Variants in CNKSR3 observed in about 807,000 individuals in gnomAD.
CNKSR3 encodes connector enhancer of kinase suppressor of ras 3.
A neutral mutation model predicts 67.7 loss-of-function variants in CNKSR3; 36 were observed. The ratio of observed to expected loss-of-function variants is 0.53; its 90% confidence interval spans 0.41 to 0.70. CNKSR3 has a LOEUF of 0.70. Among genes scored for constraint, CNKSR3 ranks in the 30% least tolerant of loss-of-function variants. The probability of loss-of-function intolerance (pLI) is 0.00; values close to 1 mark genes in which losing one functional copy is unlikely to be tolerated. For missense variants in CNKSR3, 630 were observed against 695.2 expected, an observed-to-expected ratio of 0.91 and a Z score of 1.05; for synonymous variants, 281 against 271.4, an observed-to-expected ratio of 1.04 and a Z score of -0.35.
chr6:154,424,354 G>C (rs1245887930), intron 7 of CNKSR3, among the ~76,000 whole-genome samples: 1 of 152,036 alleles, frequency 6.6e-6, no homozygotes, highest in African/African-American at 2.4e-5. Context: ...TTATGTTGAA[G>C]GTATCTCATA....
At chr6:154,416,585 A>T (rs1055065369) in intron 9 of CNKSR3, among the ~76,000 whole-genome samples, 2 of 152,180 alleles carry the variant, frequency 1.3e-5, no homozygotes, top group African/African-American at 4.8e-5. Context: ...CTCATTTCCC[A>T]GGAGTGTGGC....
At chr6:154,436,123 A>T (rs1785467774) in intron 4 of CNKSR3, among the ~76,000 whole-genome samples, 1 of 152,256 alleles carries the variant, frequency 6.6e-6, no homozygotes. Flanking sequence ...CACCTGAGAC[A>T]CAGTCAGCAC....
chr6:154,476,082 T>C (rs1582890875), intron 1 of CNKSR3, among the ~76,000 whole-genome samples: 1 of 151,936 alleles, frequency 6.6e-6, no homozygotes, highest in Non-Finnish European at 1.5e-5. Context: ...AAAAACAAAA[T>C]GAGTCCTCCT....
intron 1 of CNKSR3, among the ~76,000 whole-genome samples, chr6:154,464,151 C>A (rs1156663869): frequency 6.6e-6 from 1 of 152,166 alleles, no homozygotes; most frequent in Non-Finnish European, 1.5e-5. Context: ...CTTAATAAAA[C>A]AGTTGTGTGC....
In CNKSR3 at chr6:154,405,654, CAATA is replaced by C; in HGVS notation, c.*696_*699del. The stretch of plus-strand genomic sequence containing the variant: ...CTTATAGCTTCTTTTCCCTTAAAGA[CAATA>C]ATATATAACAACACCACCCCACACA... On this transcript the variant is annotated 3_prime_UTR_variant, in exon 13 of 13. Coordinates refer to ENST00000607772, the MANE Select transcript of CNKSR3 (RefSeq NM_173515.4). 1 of 152,140 alleles carries C rather than the reference CAATA, an allele frequency of 6.6e-6. No individual in the cohort carries two copies. The highest frequency in any genetic ancestry group is 3.2e-3 in the Middle Eastern group (1 of 316). The allele number at this position is 152,140 out of a possible 1,614,324, so 9.4% of individuals were successfully genotyped here.
rs565879603 is a variant in CNKSR3, at chr6:154,486,640, A to C, written c.52+23423T>G. Among the ~76,000 whole-genome samples, 13 of 138,514 alleles carry C rather than the reference A, an allele frequency of 9.4e-5. No homozygotes were observed. In the South Asian group the frequency reaches 1.3e-3, roughly 14 times the overall value. 90.9% of individuals were successfully genotyped at this position (138,514 alleles called of 152,430 possible). ...CCCAAGTAGCTGGGATTACAGGCAC[A>C]CACCACCACACCCAGCTAATCTTTT... On this transcript the variant is annotated intron_variant, in intron 1 of 12. Coordinates refer to ENST00000607772, the MANE Select transcript of CNKSR3 (RefSeq NM_173515.4).
chr6:154,400,772 A>C lies in CNKSR3; in HGVS notation c.*5582T>G, dbSNP rs1291276532. On this transcript the variant is annotated 3_prime_UTR_variant, in exon 13 of 13. Coordinates refer to ENST00000607772, the MANE Select transcript of CNKSR3 (RefSeq NM_173515.4). ...TTTTTCCTTTACTTATGTAAAAGGT[A>C]CCCTTTGTCAAATTAGCACACTTCT... 1 of 152,208 alleles carries C rather than the reference A, an allele frequency of 6.6e-6. No homozygotes were observed. Among genetic ancestry groups the C allele is most frequent in the Non-Finnish European group, 1.5e-5 (1 of 68,038 alleles). 9.4% of individuals were successfully genotyped at this position (152,208 alleles called of 1,614,324 possible).
At chr6:154,410,477 G>T in intron 11 of CNKSR3, 45 bp from the exon 12 acceptor site, 1 of 1,276,912 alleles carries the variant, frequency 7.8e-7, no homozygotes, top group Non-Finnish European at 1.1e-6. Context: ...ATGAGTTCTG[G>T]AACTTTAGTG....
intron 12 of CNKSR3, among the ~76,000 whole-genome samples, chr6:154,408,774 A>C (rs562737629): frequency 6.6e-6 from 1 of 152,248 alleles, no homozygotes; most frequent in African/African-American, 2.4e-5. Flanking sequence ...AATTTCATGC[A>C]AAGAGTTATA....
intron 9 of CNKSR3, among the ~76,000 whole-genome samples, chr6:154,419,940 C>T (rs1432409809): frequency 6.6e-6 from 1 of 151,920 alleles, no homozygotes; most frequent in Admixed American, 6.6e-5. Context: ...ATTAGCTGGG[C>T]GTAGTGGCGG....
intron 1 of CNKSR3, among the ~76,000 whole-genome samples, chr6:154,498,768 C>T (rs1022156665): frequency 2.0e-5 from 3 of 152,190 alleles, no homozygotes. Context: ...ACGTTCACAA[C>T]GCCCACCTAC....
In CNKSR3 at chr6:154,392,832, G is replaced by A. The variant is rs1441238449; in HGVS notation, c.*13522C>T. On this transcript the variant is annotated 3_prime_UTR_variant, in exon 13 of 13. Transcript: ENST00000607772. ...CCAGTTTCCATGGAGCTCCACAAGA[G>A]CCTGACTTCTTTTCTGGGAAACCAA... 2.0e-5 allele frequency: 3 copies of A among 152,308 alleles called. No homozygotes were observed. Among genetic ancestry groups the A allele is most frequent in the African/African-American group, 7.2e-5 (3 of 41,444 alleles). 9.4% of individuals were successfully genotyped at this position (152,308 alleles called of 1,614,324 possible). A position where few individuals can be genotyped will look rare whatever the true frequency, so the allele number is the denominator to read the frequency against.
intron 1 of CNKSR3, among the ~76,000 whole-genome samples, chr6:154,465,827 T>C (rs1186215803): frequency 6.6e-6 from 1 of 152,192 alleles, no homozygotes; most frequent in Non-Finnish European, 1.5e-5. Context: ...CAGAAGCCAG[T>C]ATGTGATGAG....
At chr6:154,437,953 T>C (rs1019737640) in intron 4 of CNKSR3, among the ~76,000 whole-genome samples, 8 of 152,214 alleles carry the variant, frequency 5.3e-5, no homozygotes, top group African/African-American at 1.9e-4. Flanking sequence ...GGCAAGATTT[T>C]TGTATTTCCT....
At position 154,400,412 on chromosome 6, in the gene CNKSR3, G is replaced by A. The variant is rs912010056; in HGVS notation, c.*5942C>T. On this transcript the variant is annotated 3_prime_UTR_variant, in exon 13 of 13. Transcript: ENST00000607772. Reference sequence around the variant, plus strand: ...CATAGAACTTTAGAATATGCCTATGGATGGCCAAGTCACAACCAGAATTGA... The same window carrying A: ...CATAGAACTTTAGAATATGCCTATGAATGGCCAAGTCACAACCAGAATTGA... 1 of 152,174 alleles carries A rather than the reference G, an allele frequency of 6.6e-6. No homozygotes were observed. Among genetic ancestry groups the A allele is most frequent in the African/African-American group, 2.4e-5 (1 of 41,422 alleles). The allele number at this position is 152,174 out of a possible 1,614,324, so 9.4% of individuals were successfully genotyped here.
intron 4 of CNKSR3, among the ~76,000 whole-genome samples, chr6:154,434,535 G>A (rs1161239406): frequency 6.6e-6 from 1 of 152,114 alleles, no homozygotes; most frequent in African/African-American, 2.4e-5. Flanking sequence ...GGAGGAAGAT[G>A]CCTGTCAGTT....
At chr6:154,484,579 G>A (rs868322815) in intron 1 of CNKSR3, among the ~76,000 whole-genome samples, 1 of 151,458 alleles carries the variant, frequency 6.6e-6, no homozygotes, top group East Asian at 1.9e-4. Context: ...GTGCATGCCT[G>A]TAATCCCAGC....
At chr6:154,437,127 T>G (rs1210666670) in intron 4 of CNKSR3, among the ~76,000 whole-genome samples, 1 of 152,104 alleles carries the variant, frequency 6.6e-6, no homozygotes, top group Non-Finnish European at 1.5e-5. Flanking sequence ...AGACAGAACA[T>G]GTTCTTTGTC....
At chr6:154,441,480 T>TC in intron 3 of CNKSR3, 101 bp from the exon 4 acceptor site, 1 of 839,660 alleles carries the variant, frequency 1.2e-6, no homozygotes, top group African/African-American at 1.7e-5. Flanking sequence ...TACTCTAAAT[T>TC]CCTTTTTGTT....
Sources: gnomAD v4.1 joint callset for allele counts (sites outside exome capture counted in the v4.1 genomes callset) on GRCh38, gnomAD v4.1.1 for gene constraint, MANE v1.5 for transcripts, NCBI Gene and HGNC (gene_info 2026-07-23, HGNC 2026-07-21) for gene names.